The following WWOX variants were observed in gnomAD, a reference collection of about 807,000 sequenced individuals.
WWOX encodes the protein WW domain containing oxidoreductase.
A neutral mutation model predicts 46.2 loss-of-function variants in WWOX; 69 were observed. That is an observed-to-expected ratio of 1.49 (90% CI 1.23 to 1.82). WWOX has a LOEUF of 1.82. Among genes scored for constraint, WWOX ranks in the 40% most tolerant of loss-of-function variants. The pLI is 0.00. For missense variants in WWOX, 919 were observed against 542.6 expected (o/e 1.69, Z -6.89); for synonymous variants, 359 against 202.6 (o/e 1.77, Z -6.56).
intron 8 of WWOX, among the ~76,000 whole-genome samples, chr16:78,798,179 C>G (rs1269653439): frequency 1.3e-5 from 2 of 152,152 alleles, no homozygotes; most frequent in South Asian, 4.1e-4. Flanking sequence ...AAAGCCACGG[C>G]ACCTTTGCCA....
chr16:78,449,421 C>A (rs536239466), intron 8 of WWOX, among the ~76,000 whole-genome samples: 1 of 152,136 alleles, frequency 6.6e-6, no homozygotes, highest in Non-Finnish European at 1.5e-5. Context: ...CAGGGGTGAT[C>A]AGGGCCAGCT....
chr16:79,057,940 C>G (rs752597130), intron 8 of WWOX, among the ~76,000 whole-genome samples: 2 of 152,156 alleles, frequency 1.3e-5, no homozygotes, highest in South Asian at 2.1e-4. Context: ...TTATCAGTGG[C>G]CAAATCATTC....
intron 8 of WWOX, among the ~76,000 whole-genome samples, chr16:78,957,125 A>G (rs1236266949): frequency 2.0e-5 from 3 of 152,214 alleles, no homozygotes; most frequent in Non-Finnish European, 2.9e-5. Flanking sequence ...CTTTATATGC[A>G]GAAGGTTGAA....
chr16:78,889,189 C>G (rs548252909), intron 8 of WWOX, among the ~76,000 whole-genome samples: 1 of 152,278 alleles, frequency 6.6e-6, no homozygotes. Flanking sequence ...CAGGGATTGG[C>G]AAATGACAGT....
At chr16:78,753,840 A>ATATG (rs2049560021) in intron 8 of WWOX, among the ~76,000 whole-genome samples, 1 of 106,698 alleles carries the variant, frequency 9.4e-6, no homozygotes, top group Non-Finnish European at 1.9e-5. Flanking sequence ...ATATATATAT[A>ATATG]TATATATATA....
chr16:78,340,411 G>A lies in WWOX; in HGVS notation c.517-46449G>A. On this transcript the variant is annotated intron_variant, in intron 5 of 8. Transcript: ENST00000566780. ...TTAGTAGAGATGAAGTGTTTACCCT[G>A]TTGGCCAGGCTGGTCATGAACTCCT... Among the ~76,000 whole-genome samples, 2 of 119,700 alleles carry A rather than the reference G, an allele frequency of 1.7e-5. 1 individual carries two copies. Among genetic ancestry groups the A allele is most frequent in the Non-Finnish European group, 4.0e-5 (2 of 50,210 alleles). The allele number at this position is 119,700 out of a possible 152,430, so 78.5% of individuals were successfully genotyped here.
At chr16:78,406,537 G>C (rs1195989821) in intron 6 of WWOX, among the ~76,000 whole-genome samples, 1 of 150,380 alleles carries the variant, frequency 6.6e-6, no homozygotes, top group Non-Finnish European at 1.5e-5. Flanking sequence ...TATTTTAGTA[G>C]AGATGGTTTC....
chr16:79,112,300 C>T (rs140418939), intron 8 of WWOX, among the ~76,000 whole-genome samples: 1 of 152,276 alleles, frequency 6.6e-6, no homozygotes, highest in African/African-American at 2.4e-5. Flanking sequence ...GTACATGAGG[C>T]ACTCAGATGT....
At chr16:79,120,510 A>T (rs1211281824) in intron 8 of WWOX, among the ~76,000 whole-genome samples, 1 of 152,146 alleles carries the variant, frequency 6.6e-6, no homozygotes, top group Non-Finnish European at 1.5e-5. Flanking sequence ...ACCCTGTGCT[A>T]GTTTTTTGTG....
At chr16:78,903,000 C>G (rs945579588) in intron 8 of WWOX, among the ~76,000 whole-genome samples, 6 of 152,156 alleles carry the variant, frequency 3.9e-5, no homozygotes, top group African/African-American at 1.2e-4. Flanking sequence ...TGTCCGGGTT[C>G]TTGGCATTTT....
chr16:78,616,524 G>A (rs963945256), intron 8 of WWOX, among the ~76,000 whole-genome samples: 2 of 150,928 alleles, frequency 1.3e-5, no homozygotes, highest in African/African-American at 4.9e-5. Flanking sequence ...CACTTTGGGA[G>A]GCCGAGGCAG....
intron 8 of WWOX, among the ~76,000 whole-genome samples, chr16:78,501,187 C>CTTTA (rs1444193827): frequency 2.9e-4 from 5 of 17,464 alleles, no homozygotes; most frequent in African/African-American, 4.3e-4. Context: ...CTCTCTCTTT[C>CTTTA]TTTCTCTTTT....
At chr16:78,555,514 G>T (rs531709307) in intron 8 of WWOX, among the ~76,000 whole-genome samples, 1 of 151,684 alleles carries the variant, frequency 6.6e-6, no homozygotes, top group Non-Finnish European at 1.5e-5. Context: ...TCGATGTCTC[G>T]GGGCTTCTGT....
intron 8 of WWOX, among the ~76,000 whole-genome samples, chr16:79,080,401 C>G (rs571723037): frequency 6.6e-6 from 1 of 152,300 alleles, no homozygotes; most frequent in African/African-American, 2.4e-5. Context: ...CACAACCATA[C>G]CTAGAACCAA....
intron 8 of WWOX, among the ~76,000 whole-genome samples, chr16:78,859,045 TATATGTATATATATA>T (rs2052650973): frequency 4.1e-5 from 1 of 24,458 alleles, no homozygotes; most frequent in Non-Finnish European, 1.1e-4. Flanking sequence ...TATATATATA[TATATGTATATATATA>T]TATATATATA....
intron 8 of WWOX, among the ~76,000 whole-genome samples, chr16:78,442,684 A>G (rs9925988): frequency 0.012 from 1,787 of 152,254 alleles, 31 homozygotes; most frequent in African/African-American, 0.041. Context: ...CATTGAACAT[A>G]AAAACCTCAT....
At chr16:79,120,644 C>T (rs574373218) in intron 8 of WWOX, among the ~76,000 whole-genome samples, 12 of 152,324 alleles carry the variant, frequency 7.9e-5, no homozygotes, top group African/African-American at 2.2e-4. Context: ...CTTTGTTCTT[C>T]GCCCTTCCCG....
chr16:79,087,141 G>C lies in WWOX; in HGVS notation c.1057-124467G>C, dbSNP rs1244080159. Among the ~76,000 whole-genome samples, 5 of 152,218 alleles carry C rather than the reference G, an allele frequency of 3.3e-5. No homozygotes were observed. In the East Asian group the frequency reaches 7.7e-4, roughly 23 times the overall value. ...TTAGAGGTAAGAAGCCAAGTGGCAT[G>C]ATGAGGAGAGTATTCATGAAATTTA... is the stretch of plus-strand genomic sequence containing the variant. On this transcript the variant is annotated intron_variant, in intron 8 of 8. Transcript: ENST00000566780.
At chr16:78,786,233 TTTC>T (rs1340915747) in intron 8 of WWOX, among the ~76,000 whole-genome samples, 8 of 152,212 alleles carry the variant, frequency 5.3e-5, no homozygotes, top group Admixed American at 4.6e-4. Flanking sequence ...TCTACCCCAC[TTTC>T]TTAAGTCGAG....
Sources: gnomAD v4.1 joint callset for allele counts (sites outside exome capture counted in the v4.1 genomes callset) on GRCh38, gnomAD v4.1.1 for gene constraint, MANE v1.5 for transcripts, NCBI Gene and HGNC (gene_info 2026-07-23, HGNC 2026-07-21) for gene names.